The following ERCC6 variants were observed in gnomAD, a reference collection of about 807,000 sequenced individuals.
ERCC6 encodes ERCC excision repair 6, chromatin remodeling factor.
Under a neutral mutation model 158.7 loss-of-function variants are expected in ERCC6, and 116 were observed. That is an observed-to-expected ratio of 0.73 (90% CI 0.63 to 0.85). The LOEUF (loss-of-function observed/expected upper bound fraction) is 0.85, where lower values mean the gene tolerates loss of function less well. Among genes scored for constraint, ERCC6 ranks in the 40% least tolerant of loss-of-function variants. The probability of loss-of-function intolerance (pLI) is 0.00; values close to 1 mark genes in which losing one functional copy is unlikely to be tolerated. For synonymous variants in ERCC6, 678 were observed against 659.3 expected (o/e 1.03, Z -0.43); for missense variants, 1,698 against 1,799.4 (o/e 0.94, Z 1.02).
downstream of ERCC6, among the ~76,000 whole-genome samples, chr10:49,452,740 T>C (rs1850434041): frequency 6.6e-6 from 1 of 152,176 alleles, no homozygotes. Context: ...GCTTTCTGTG[T>C]TTTGATACTG....
At chr10:49,515,590 G>C in intron 5 of ERCC6, 2 of 1,613,986 alleles carry the variant, frequency 1.2e-6, no homozygotes, top group African/African-American at 2.7e-5. Flanking sequence ...AAATCCACTG[G>C]TTTCTCATCA....
At chr10:49,474,311 G>T in intron 12 of ERCC6, 69 bp from the exon 13 acceptor site, 1 of 1,273,394 alleles carries the variant, frequency 7.9e-7, no homozygotes, top group Non-Finnish European at 1.1e-6. Context: ...AGGCAAGGAG[G>T]CTGTTTAACC....
intron 5 of ERCC6, among the ~76,000 whole-genome samples, chr10:49,520,679 C>CT (rs111520056): frequency 4.9e-4 from 75 of 152,292 alleles, no homozygotes; most frequent in African/African-American, 1.7e-3. Context: ...ACTGCACACT[C>CT]TTCCCAATCC....
intron 5 of ERCC6, among the ~76,000 whole-genome samples, chr10:49,514,358 A>G (rs1284354937): frequency 6.6e-6 from 1 of 152,214 alleles, no homozygotes; most frequent in Non-Finnish European, 1.5e-5. Context: ...ATACTAGACA[A>G]ATCAATGTAC....
chr10:49,525,215 A>T (rs1376678331), intron 4 of ERCC6: 1 of 200,942 alleles, frequency 5.0e-6, no homozygotes, highest in East Asian at 1.3e-4. Flanking sequence ...AAAAACAGGG[A>T]TCACCATGTA....
intron 5 of ERCC6, among the ~76,000 whole-genome samples, chr10:49,509,968 G>A (rs927918015): frequency 6.6e-6 from 1 of 152,194 alleles, no homozygotes; most frequent in South Asian, 2.1e-4. Context: ...GATTCAGCCT[G>A]CTGTCAACTC....
At chr10:49,501,034 A>G (rs1247591503) in intron 6 of ERCC6, 2 of 262,250 alleles carry the variant, frequency 7.6e-6, no homozygotes, top group East Asian at 2.0e-4. Context: ...TTTCTGGGGG[A>G]AAAAATCCCA....
chr10:49,494,740 G>T (rs897841950), intron 7 of ERCC6, among the ~76,000 whole-genome samples: 3 of 152,180 alleles, frequency 2.0e-5, no homozygotes, highest in African/African-American at 7.2e-5. Context: ...ATTACATTCT[G>T]GGTTGGGAGA....
At chr10:49,464,683 G>T (rs1225917172) in intron 18 of ERCC6, among the ~76,000 whole-genome samples, 1 of 152,210 alleles carries the variant, frequency 6.6e-6, no homozygotes, top group Non-Finnish European at 1.5e-5. Flanking sequence ...CTGTGTCCCA[G>T]CCACTCCAGC....
At position 49,457,497 on chromosome 10, in the gene ERCC6, A is replaced by T. The variant is rs1850502412; in HGVS notation, c.*1318T>A. 6.6e-6 allele frequency: 1 copy of T among 152,216 alleles called. No homozygotes were observed. Among genetic ancestry groups the T allele is most frequent in the Non-Finnish European group, 1.5e-5 (1 of 68,060 alleles). 9.4% of individuals were successfully genotyped at this position (152,216 alleles called of 1,614,324 possible). On this transcript the variant is annotated 3_prime_UTR_variant, in exon 21 of 21. Coordinates refer to ENST00000355832, the MANE Select transcript of ERCC6 (RefSeq NM_000124.4). ...AGTCCGGCAAGGCCCCCCTGCCCAG[A>T]ACCCTCCTCTCTGAGTCACATGGAT...
chr10:49,522,052 T>C (rs1325939150), intron 5 of ERCC6, among the ~76,000 whole-genome samples: 1 of 152,144 alleles, frequency 6.6e-6, no homozygotes, highest in Non-Finnish European at 1.5e-5. Flanking sequence ...GGTGTTAAGT[T>C]CAGCAAAGGG....
chr10:49,534,270 T>C (rs1380602968), intron 1 of ERCC6, among the ~76,000 whole-genome samples: 2 of 151,436 alleles, frequency 1.3e-5, no homozygotes, highest in African/African-American at 2.4e-5. Flanking sequence ...CCCCCTCACA[T>C]AGTGCTGCTG....
chr10:49,506,367 A>G, intron 5 of ERCC6: 2 of 284,394 alleles, frequency 7.0e-6, no homozygotes, highest in Non-Finnish European at 1.3e-5. Context: ...AAATTTCAAT[A>G]TAATTGAGTG....
Position 49,524,573 on chromosome 10 carries a change from TTCC to T in ERCC6, c.854_856del (p.Arg285del). The stretch of plus-strand genomic sequence containing the variant: ...TGCTCTTTTATTACAACCTTGCTTC[TTCC>T]TTTCAAAAGACAGTTTTGCTTGATC... On this transcript the variant is annotated inframe_deletion, in exon 5 of 21. Coordinates refer to ENST00000355832, the MANE Select transcript of ERCC6 (RefSeq NM_000124.4). The T allele has an allele frequency of 6.2e-7, 1 of 1,614,252 alleles. No homozygotes were observed. The highest frequency in any genetic ancestry group is 2.2e-5 in the East Asian group (1 of 44,890).
the ERCC6 span, among the ~76,000 whole-genome samples, chr10:49,440,369 T>C: frequency 0.033 from 4,980 of 152,170 alleles, 260 homozygotes; most frequent in African/African-American, 0.11. Flanking sequence ...TTCACTACCA[T>C]GAGAATAGCA....
At chr10:49,539,231 G>A (rs1837682020), upstream of ERCC6, among the ~76,000 whole-genome samples, 1 of 152,280 alleles carries the variant, frequency 6.6e-6, no homozygotes, top group Non-Finnish European at 1.5e-5. Flanking sequence ...CGAGAAAGCT[G>A]TCTCCGCTGC....
intron 8 of ERCC6, among the ~76,000 whole-genome samples, chr10:49,486,208 A>G (rs1214917233): frequency 2.0e-5 from 3 of 152,224 alleles, no homozygotes; most frequent in African/African-American, 7.2e-5. Flanking sequence ...AGAGCTGACC[A>G]CAGCCTCTCT....
chr10:49,482,347 T>C (rs543974321), intron 10 of ERCC6, among the ~76,000 whole-genome samples: 1 of 152,190 alleles, frequency 6.6e-6, no homozygotes, highest in Non-Finnish European at 1.5e-5. Flanking sequence ...CAAACTGATT[T>C]GTCCTTGTTT....
chr10:49,485,817 CAG>C (rs1448367845), intron 8 of ERCC6, among the ~76,000 whole-genome samples: 4 of 152,022 alleles, frequency 2.6e-5, no homozygotes, highest in African/African-American at 9.7e-5. Context: ...CAATATAAAA[CAG>C]AAAACAAAAT....
Sources: gnomAD v4.1 joint callset for allele counts (sites outside exome capture counted in the v4.1 genomes callset) on GRCh38, gnomAD v4.1.1 for gene constraint, MANE v1.5 for transcripts, NCBI Gene and HGNC (gene_info 2026-07-23, HGNC 2026-07-21) for gene names.